Variants in PTPRC observed in about 807,000 individuals in gnomAD.
The protein encoded by PTPRC is receptor-type tyrosine-protein phosphatase C.
In PTPRC, 44 loss-of-function variants were observed where a neutral mutation model predicts 155.9. The ratio of observed to expected loss-of-function variants is 0.28; its 90% CI spans 0.22 to 0.36. PTPRC has a LOEUF of 0.36. Ranked by LOEUF, PTPRC falls within the 10% of genes least tolerant of loss-of-function variation. PTPRC has a pLI of 1.00. For synonymous variants in PTPRC, 525 were observed against 533.1 expected (o/e 0.98, Z 0.21); for missense variants, 1,401 against 1,564.6 (o/e 0.90, Z 1.76).
chr1:198,676,948 C>G (rs187461246), intron 2 of PTPRC, among the ~76,000 whole-genome samples: 1 of 152,244 alleles, frequency 6.6e-6, no homozygotes, highest in East Asian at 1.9e-4. Flanking sequence ...TCATAATTAA[C>G]AATAAAATAA....
At chr1:198,697,573 A>C (rs1355344204) in intron 4 of PTPRC, among the ~76,000 whole-genome samples, 1 of 152,214 alleles carries the variant, frequency 6.6e-6, no homozygotes, top group Non-Finnish European at 1.5e-5. Context: ...ATACTGATAT[A>C]TGTATATGCT....
intron 12 of PTPRC, among the ~76,000 whole-genome samples, chr1:198,714,672 T>C (rs747401203): frequency 3.3e-5 from 5 of 152,184 alleles, no homozygotes; most frequent in Admixed American, 2.0e-4. Context: ...TTCTCCTTCA[T>C]CTCAAACATA....
chr1:198,723,685 T>C (rs1653998001), intron 15 of PTPRC, among the ~76,000 whole-genome samples: 1 of 152,196 alleles, frequency 6.6e-6, no homozygotes, highest in Non-Finnish European at 1.5e-5. Flanking sequence ...CTGAAACATT[T>C]CACCTGGAAA....
At chr1:198,670,744 A>G (rs1664595573) in intron 2 of PTPRC, among the ~76,000 whole-genome samples, 1 of 152,146 alleles carries the variant, frequency 6.6e-6, no homozygotes, top group African/African-American at 2.4e-5. Flanking sequence ...TGGTGTGAAT[A>G]TTTAAAATCT....
chr1:198,699,563 G>T lies in PTPRC; in HGVS notation c.299-1G>T. ...GTAATGATCTCACTTTCCTACCTTA[G>T]GTGTTTCATCAGTACAGACGCCTCA... On this transcript the variant is annotated splice_acceptor_variant, in intron 4 of 32. Transcript: ENST00000442510. LOFTEE classifies it high-confidence loss of function. The T allele has an allele frequency of 6.2e-7, 1 of 1,614,140 alleles. No individual in the cohort carries two copies. The highest frequency in any genetic ancestry group is 8.5e-7 in the Non-Finnish European group (1 of 1,180,020).
rs201509539 is a variant in PTPRC at position 198,729,179 on chromosome 1, T to C, written c.1864+8T>C. On this transcript the variant is annotated splice_region_variant and intron_variant, in intron 17 of 32. Transcript: ENST00000442510. ...AGGAGCTTGTTGAAAGGGGTAAGTA[T>C]GTATATTTTTGCTGATGACTATTCC... 9.4e-4 allele frequency: 1,503 copies of C among 1,603,792 alleles called. 1 individual carries two copies. Among genetic ancestry groups the C allele is most frequent in the Non-Finnish European group, 1.2e-3 (1,413 of 1,174,464 alleles).
At chr1:198,666,337 G>A (rs538793211) in intron 2 of PTPRC, among the ~76,000 whole-genome samples, 1 of 151,924 alleles carries the variant, frequency 6.6e-6, no homozygotes, top group South Asian at 2.1e-4. Flanking sequence ...GTGTATGTGT[G>A]GAATCATGTG....
intron 12 of PTPRC, among the ~76,000 whole-genome samples, chr1:198,713,450 T>C (rs1333704270): frequency 1.3e-5 from 2 of 152,258 alleles, no homozygotes; most frequent in African/African-American, 2.4e-5. Context: ...AAACCCCTTG[T>C]AAAACTTGTT....
chr1:198,691,540 T>C (rs1226542222), intron 2 of PTPRC, among the ~76,000 whole-genome samples: 1 of 152,078 alleles, frequency 6.6e-6, no homozygotes, highest in Non-Finnish European at 1.5e-5. Context: ...TTTGGTCTCC[T>C]GATTTTCCTG....
chr1:198,703,702 A>G, intron 7 of PTPRC: 1 of 368,998 alleles, frequency 2.7e-6, no homozygotes, highest in Non-Finnish European at 5.1e-6. Flanking sequence ...GCAAGTGGTG[A>G]GCATCAGACG....
At chr1:198,694,168 A>AACTTG in intron 3 of PTPRC, 1 of 1,497,318 alleles carries the variant, frequency 6.7e-7, no homozygotes, top group Non-Finnish European at 8.9e-7. Flanking sequence ...AAAGCTGAGG[A>AACTTG]ACTTGGAGTC....
intron 23 of PTPRC, among the ~76,000 whole-genome samples, chr1:198,739,190 A>AGACAT (rs1280140162): frequency 6.6e-6 from 1 of 151,794 alleles, no homozygotes; most frequent in East Asian, 1.9e-4. Flanking sequence ...CAACCATAAA[A>AGACAT]GACATAACAA....
At chr1:198,749,232 A>T (rs1655271699) in intron 27 of PTPRC, among the ~76,000 whole-genome samples, 184 bp from the exon 28 acceptor site, 1 of 151,594 alleles carries the variant, frequency 6.6e-6, no homozygotes, top group Non-Finnish European at 1.5e-5. Flanking sequence ...TTTTTCTTAG[A>T]CTTTTGTTGT....
Position 198,756,107 on chromosome 1 carries a change from C to A in PTPRC, c.3847C>A (p.Pro1283Thr). The A allele has an allele frequency of 6.2e-7, 1 of 1,613,408 alleles. No homozygotes were observed. ...EAKEQAEGSE[P>T]TSGTEGPEHS... ...AAAGGAACAGGCTGAAGGTTCTGAA[C>A]CCACGAGTGGCACTGAGGGGCCAGA... is the stretch of plus-strand genomic sequence containing the variant. The change falls in exon 33 of 33, where the codon CCC becomes ACC. Residue 1283 changes from proline (P) to threonine (T), a missense_variant. By Grantham distance (38) the Pro-to-Thr change is conservative. This residue lies in a region of PTPRC where 400 missense variants were observed against 389.5 expected (regional missense o/e 1.03). Coordinates refer to ENST00000442510, the MANE Select transcript of PTPRC (RefSeq NM_002838.5).
intron 5 of PTPRC, chr1:198,700,159 G>A (rs1190351316): frequency 1.6e-5 from 3 of 187,332 alleles, no homozygotes; most frequent in Non-Finnish European, 3.4e-5. Context: ...AAAAAGAAAG[G>A]AATGGGTTTA....
chr1:198,742,037 CG>C lies in PTPRC; in HGVS notation c.2561+12del, dbSNP rs1654922457. 1 of 1,600,342 alleles carries C rather than the reference CG, an allele frequency of 6.2e-7. No individual in the cohort carries two copies. Among genetic ancestry groups the C allele is most frequent in the South Asian group, 1.1e-5 (1 of 90,288 alleles). ...TGTGGTGCACTGCAGGTAGGAAAAA[CG>C]AACAAAAAAAAAAAACAACAACAAA... On this transcript the variant is annotated intron_variant, in intron 24 of 32. Transcript: ENST00000442510.
chr1:198,694,751 T>G (rs1571841988), intron 3 of PTPRC: 1 of 951,750 alleles, frequency 1.1e-6, no homozygotes, highest in Non-Finnish European at 1.3e-6. Flanking sequence ...TTCTTTCCAC[T>G]CCCTTTCTCC....
chr1:198,728,414 T>C lies in PTPRC; in HGVS notation c.1795T>C (p.Tyr599His). The C allele has an allele frequency of 1.2e-6, 2 of 1,612,940 alleles. No individual in the cohort carries two copies. Among genetic ancestry groups the C allele is most frequent in the Non-Finnish European group, 1.7e-6 (2 of 1,179,456 alleles). Residue 599 changes from tyrosine (Y) to histidine (H), a missense_variant, in exon 16 of 33, where the codon TAC becomes CAC. Around this residue, in one of 3 missense-constraint regions of PTPRC, gnomAD observed 867 missense variants for 970.4 expected, o/e 0.89. Transcript: ENST00000442510. ...ATCAATAGCCCTGCTTGTTGTTCTCTACAAAATCTATGATCTACATAAGAA... is the reference window on the plus strand; with the variant it reads ...ATCAATAGCCCTGCTTGTTGTTCTCCACAAAATCTATGATCTACATAAGAA... ...VTSIALLVVL[Y>H]KIYDLHKKRS... is the part of the protein sequence containing the mutation.
At chr1:198,699,843 TTAGGAA>T (rs1666382856) in intron 5 of PTPRC, 139 bp downstream of exon 5, 2 of 1,120,568 alleles carry the variant, frequency 1.8e-6, no homozygotes, top group African/African-American at 3.1e-5. Flanking sequence ...TCAGTCACTC[TTAGGAA>T]TATGAAACCA....
Sources: allele counts gnomAD v4.1 joint callset (sites outside exome capture counted in the v4.1 genomes callset), GRCh38; gene constraint gnomAD v4.1.1; regional missense constraint gnomAD v4.1.1; transcripts MANE v1.5; gene names NCBI Gene and HGNC (gene_info 2026-07-23, HGNC 2026-07-21).